BCL7C: variants seen among roughly 807,000 people sequenced by gnomAD.
BCL7C encodes the protein B-cell CLL/lymphoma 7 protein family member C.
A neutral mutation model predicts 26.2 loss-of-function variants in BCL7C; 8 were observed. The observed-to-expected ratio is 0.30, with a 90% CI of 0.18 to 0.55. BCL7C has a LOEUF of 0.55. BCL7C is among the 20% of genes least tolerant of loss of function. The pLI, the probability that BCL7C is intolerant of heterozygous loss-of-function variation, is 0.93. For synonymous variants in BCL7C, 90 were observed against 116.5 expected, an observed-to-expected ratio of 0.77 and a Z score of 1.47; for missense variants, 262 against 298.5, an observed-to-expected ratio of 0.88 and a Z score of 0.90.
At chr16:30,857,807 C>T (rs2054735997) in intron 5 of BCL7C, among the ~76,000 whole-genome samples, 1 of 151,764 alleles carries the variant, frequency 6.6e-6, no homozygotes, top group Non-Finnish European at 1.5e-5. Flanking sequence ...CCCATCTCTA[C>T]TAATAATACA....
intron 5 of BCL7C, among the ~76,000 whole-genome samples, chr16:30,852,929 C>CTATTT (rs138754260): frequency 0.016 from 2,440 of 150,490 alleles, 43 homozygotes; most frequent in South Asian, 0.044. Flanking sequence ...GAAGCTTTTT[C>CTATTT]TATTTTATTT....
intron 5 of BCL7C, among the ~76,000 whole-genome samples, chr16:30,841,295 T>A (rs891484862): frequency 6.6e-6 from 1 of 152,122 alleles, no homozygotes; most frequent in Non-Finnish European, 1.5e-5. Context: ...TCCTGATACC[T>A]CAGAATGTGA....
intron 4 of BCL7C, among the ~76,000 whole-genome samples, chr16:30,890,999 CAAAT>C (rs1489375360): frequency 2.6e-5 from 4 of 151,206 alleles, no homozygotes; most frequent in East Asian, 1.9e-4. Flanking sequence ...AACAAACAAA[CAAAT>C]AAACAAAAAA....
chr16:30,841,858 G>A (rs913025998), intron 5 of BCL7C, among the ~76,000 whole-genome samples: 1 of 151,544 alleles, frequency 6.6e-6, no homozygotes, highest in Non-Finnish European at 1.5e-5. Flanking sequence ...GGGAGGCTGA[G>A]GCAGGAGAAT....
intron 5 of BCL7C, among the ~76,000 whole-genome samples, chr16:30,860,375 C>T (rs2054760712): frequency 6.6e-6 from 1 of 152,162 alleles, no homozygotes; most frequent in African/African-American, 2.4e-5. Flanking sequence ...CATTGCAGCC[C>T]AGGGCTGCTC....
At chr16:30,849,664 T>G (rs187602163) in intron 5 of BCL7C, among the ~76,000 whole-genome samples, 6 of 152,244 alleles carry the variant, frequency 3.9e-5, no homozygotes, top group Admixed American at 2.6e-4. Flanking sequence ...TTGGCCAGGC[T>G]GGTCTTGAAC....
chr16:30,870,510 TA>T lies in BCL7C; in HGVS notation c.528+18349del, dbSNP rs1486081292. 4.0e-5 allele frequency among the ~76,000 whole-genome samples: 6 copies of T among 151,238 alleles called. No homozygotes were observed. In the East Asian group the frequency reaches 9.8e-4, roughly 25 times the overall value. On this transcript the variant is annotated intron_variant, in intron 5 of 5. Transcript: ENST00000380317. ...TGAGACCCCGTCTTTACAAAAAAAA[TA>T]AAAAATTAGCCGGGTGGGCTGGGTG...
At chr16:30,886,245 C>T (rs1333753212), downstream of BCL7C, among the ~76,000 whole-genome samples, 1 of 152,114 alleles carries the variant, frequency 6.6e-6, no homozygotes, top group Non-Finnish European at 1.5e-5. Flanking sequence ...ACCCTATAGG[C>T]ACAGAGTGAG....
intron 5 of BCL7C, 62 bp downstream of exon 5, chr16:30,888,798 C>G: frequency 1.3e-6 from 2 of 1,521,234 alleles, no homozygotes; most frequent in African/African-American, 1.4e-5. Flanking sequence ...TCCAAGCCTT[C>G]GACTGCCCAG....
intron 5 of BCL7C, among the ~76,000 whole-genome samples, chr16:30,842,957 A>C (rs1372917297): frequency 1.3e-5 from 2 of 152,198 alleles, no homozygotes; most frequent in Non-Finnish European, 2.9e-5. Flanking sequence ...AAATGGTTTT[A>C]ACTGAAGTAA....
Position 30,854,792 on chromosome 16 carries a change from C to T in BCL7C, c.529-19644G>A, listed in dbSNP as rs187836906. On this transcript the variant is annotated intron_variant, in intron 5 of 5. Transcript: ENST00000380317. ...CATGATCTCAGCTTACTGCAACCTC[C>T]GTCTCCCAGAGCGATTCTCCTGCCT... Among the ~76,000 whole-genome samples the T allele has an allele frequency of 3.7e-3, 560 of 151,614 alleles. 5 individuals carry two copies. The highest frequency in any genetic ancestry group is 0.013 in the African/African-American group (527 of 41,344).
chr16:30,851,756 TTTTGGTGCAAGGTTGGC>T, intron 5 of BCL7C: 1 of 496,706 alleles, frequency 2.0e-6, no homozygotes, highest in South Asian at 2.5e-5. Context: ...CGTGACCTTT[TTTTGGTGCAAGGTTGGC>T]TTTGGGAAGT....
chr16:30,883,151 A>C (rs1340566583), downstream of BCL7C, among the ~76,000 whole-genome samples: 1 of 152,134 alleles, frequency 6.6e-6, no homozygotes, highest in African/African-American at 2.4e-5. Context: ...TTCCCAGACC[A>C]GGAAGAGGGG....
Position 30,856,041 on chromosome 16 carries a change from G to A in BCL7C, c.529-20893C>T, listed in dbSNP as rs1308830774. 1.9e-4 allele frequency among the ~76,000 whole-genome samples: 26 copies of A among 139,348 alleles called. No individual in the cohort carries two copies. In the Middle Eastern group the frequency reaches 0.012, roughly 63 times the overall value. The allele number at this position is 139,348 out of a possible 152,430, so 91.4% of individuals were successfully genotyped here. A position where few individuals can be genotyped will look rare whatever the true frequency, so the allele number is the denominator to read the frequency against. On this transcript the variant is annotated intron_variant, in intron 5 of 5. Transcript: ENST00000380317. ...TGCACCATTGCACTCCAGCCTGGGC[G>A]ACAAAGCAAGACTCCATCTAAAAAA...
chr16:30,847,842 G>A (rs2054645467), intron 5 of BCL7C, among the ~76,000 whole-genome samples: 1 of 151,712 alleles, frequency 6.6e-6, no homozygotes, highest in South Asian at 2.1e-4. Context: ...CATGTTTCAG[G>A]GGGACAGATA....
chr16:30,891,971 G>T (rs143487020), intron 4 of BCL7C, among the ~76,000 whole-genome samples: 8 of 149,830 alleles, frequency 5.3e-5, no homozygotes, highest in South Asian at 2.1e-4. Context: ...AAAAAAAAGG[G>T]GGGGGAGGGC....
At chr16:30,887,002 A>G (rs1490662574), downstream of BCL7C, among the ~76,000 whole-genome samples, 1 of 151,934 alleles carries the variant, frequency 6.6e-6, no homozygotes, top group Non-Finnish European at 1.5e-5. Context: ...GCGAGACCCC[A>G]TGTCTACAAA....
chr16:30,891,865 G>A (rs554320026), intron 4 of BCL7C, among the ~76,000 whole-genome samples: 2 of 152,084 alleles, frequency 1.3e-5, no homozygotes, highest in South Asian at 4.1e-4. Context: ...TTGGGAGGCT[G>A]GGGCCAGAGG....
At chr16:30,850,172 T>G (rs1305526997) in intron 5 of BCL7C, among the ~76,000 whole-genome samples, 1 of 139,318 alleles carries the variant, frequency 7.2e-6, no homozygotes, top group African/African-American at 2.8e-5. Context: ...ATCGCATCAC[T>G]GCACTCCAGC....
Sources: gnomAD v4.1 joint callset for allele counts (sites outside exome capture counted in the v4.1 genomes callset) on GRCh38, gnomAD v4.1.1 for gene constraint, MANE v1.5 for transcripts, NCBI Gene and HGNC (gene_info 2026-07-23, HGNC 2026-07-21) for gene names.